Variants in PSPC1 observed in about 807,000 individuals in gnomAD.
PSPC1 encodes the protein paraspeckle component 1.
A neutral mutation model predicts 51.6 loss-of-function variants in PSPC1; 14 were observed. That is an observed-to-expected ratio of 0.27 (90% CI 0.18 to 0.42). The LOEUF is 0.42. PSPC1 is among the 10% of genes least tolerant of loss of function. PSPC1 has a pLI of 1.00. For synonymous variants in PSPC1, 193 were observed against 231.9 expected (o/e 0.83, Z 1.53); for missense variants, 406 against 701.1 (o/e 0.58, Z 4.75).
intron 5 of PSPC1, among the ~76,000 whole-genome samples, chr13:19,737,802 G>A (rs1231376398): frequency 6.6e-6 from 1 of 152,146 alleles, no homozygotes; most frequent in Admixed American, 6.6e-5. Context: ...TACAGCATAT[G>A]GGGCAGGCAT....
chr13:19,733,639 T>C (rs2137960261), intron 5 of PSPC1, among the ~76,000 whole-genome samples: 1 of 152,076 alleles, frequency 6.6e-6, no homozygotes, highest in South Asian at 2.1e-4. Flanking sequence ...GGCGCACACC[T>C]GTAATCCCAG....
chr13:19,757,129 CAAAA>C (rs56303316), intron 3 of PSPC1, among the ~76,000 whole-genome samples: 4 of 110,034 alleles, frequency 3.6e-5, no homozygotes, highest in Admixed American at 9.2e-5. Flanking sequence ...GACTCCGTCT[CAAAA>C]AAAAAAAAAA....
At chr13:19,769,508 G>A (rs1478213232) in intron 2 of PSPC1, among the ~76,000 whole-genome samples, 1 of 152,128 alleles carries the variant, frequency 6.6e-6, no homozygotes, top group Non-Finnish European at 1.5e-5. Flanking sequence ...AGCTGAGATC[G>A]CGCCACTGCA....
chr13:19,673,580 T>TG (rs1294016522), downstream of PSPC1: 3 of 164,890 alleles, frequency 1.8e-5, no homozygotes, highest in Non-Finnish European at 3.9e-5. Context: ...CATAGCTTTC[T>TG]GGGGGAAAAG....
chr13:19,739,472 G>T (rs1200405216), intron 5 of PSPC1, among the ~76,000 whole-genome samples: 1 of 152,190 alleles, frequency 6.6e-6, no homozygotes, highest in Non-Finnish European at 1.5e-5. Flanking sequence ...ATCTGGCCGG[G>T]CGTGGTGGCT....
rs565910132 is a variant in PSPC1 at position 19,729,093 on chromosome 13, G to C, written c.1158+1146C>G. On this transcript the variant is annotated intron_variant, in intron 6 of 8. Coordinates refer to ENST00000338910, the MANE Select transcript of PSPC1 (RefSeq NM_001354909.2). Reference sequence around the variant, plus strand: ...AAAACCAGGCAGTAGTCCCAGGCTAGAGCTTGCCAACTTACACTCTAGCCA... The same window carrying C: ...AAAACCAGGCAGTAGTCCCAGGCTACAGCTTGCCAACTTACACTCTAGCCA... 4.5e-3 allele frequency among the ~76,000 whole-genome samples: 685 copies of C among 152,180 alleles called. 6 individuals carry two copies. The highest frequency in any genetic ancestry group is 0.015 in the African/African-American group (637 of 41,542).
intron 4 of PSPC1, among the ~76,000 whole-genome samples, chr13:19,749,780 C>T (rs1231607546): frequency 6.6e-6 from 1 of 151,746 alleles, no homozygotes; most frequent in Non-Finnish European, 1.5e-5. Flanking sequence ...TACAGGCGCC[C>T]GCCACCACAT....
intron 6 of PSPC1, among the ~76,000 whole-genome samples, chr13:19,715,046 C>T (rs948432775): frequency 2.2e-4 from 34 of 152,248 alleles, no homozygotes; most frequent in Middle Eastern, 3.4e-3. Context: ...ATTCTTCCCA[C>T]TACACTAAAG....
At position 19,689,793 on chromosome 13, in the gene PSPC1, A is replaced by T. The variant is rs530932500; in HGVS notation, c.1159-11970T>A. ...CTACCATATAACTAAGAAAAATGTTAATCTGGTCTATTCTTAGAAAACATT... is the reference window on the plus strand; with the variant it reads ...CTACCATATAACTAAGAAAAATGTTTATCTGGTCTATTCTTAGAAAACATT... On this transcript the variant is annotated intron_variant and NMD_transcript_variant, in intron 6 of 7. Transcript: ENST00000471658. 2.6e-5 allele frequency among the ~76,000 whole-genome samples: 4 copies of T among 152,368 alleles called. No individual in the cohort carries two copies. The South Asian group carries it at 6.2e-4, about 24-fold the overall frequency.
chr13:19,768,183 C>G (rs1273683200), intron 2 of PSPC1, among the ~76,000 whole-genome samples: 1 of 151,850 alleles, frequency 6.6e-6, no homozygotes, highest in Non-Finnish European at 1.5e-5. Context: ...CGAGATCACT[C>G]CACTGCACTT....
rs1297334550 is a variant in PSPC1 at position 19,730,173 on chromosome 13, C to G, written c.1158+66G>C. 3 of 1,342,014 alleles carry G rather than the reference C, an allele frequency of 2.2e-6. No individual in the cohort carries two copies. In the African/African-American group the frequency reaches 4.4e-5, roughly 19 times the overall value. The allele number at this position is 1,342,014 out of a possible 1,614,324, so 83.1% of individuals were successfully genotyped here. ...CTACTGTATAAACCAAAATCTAAAG[C>G]ATTCTAAATATGCATCATAAACCTG... On this transcript the variant is annotated intron_variant, in intron 6 of 8. Transcript: ENST00000338910.
chr13:19,728,439 A>AACACACACACACACACACAC (rs56662113), intron 6 of PSPC1, among the ~76,000 whole-genome samples: 16 of 144,342 alleles, frequency 1.1e-4, no homozygotes, highest in Non-Finnish European at 1.6e-4. Context: ...TCAAAGCTTA[A>AACACACACACACACACACAC]ACACACACAC....
chr13:19,690,962 C>T (rs369125985), intron 6 of PSPC1, among the ~76,000 whole-genome samples: 35 of 152,236 alleles, frequency 2.3e-4, no homozygotes, highest in African/African-American at 8.2e-4. Flanking sequence ...TTTTCTTTTG[C>T]CACTTACTAG....
At chr13:19,747,249 AAAG>A (rs1452875411) in intron 4 of PSPC1, among the ~76,000 whole-genome samples, 1 of 152,214 alleles carries the variant, frequency 6.6e-6, no homozygotes, top group Non-Finnish European at 1.5e-5. Flanking sequence ...TACCCATATA[AAAG>A]AATATCATAC....
intron 6 of PSPC1, among the ~76,000 whole-genome samples, chr13:19,681,751 TATACCGAG>T (rs1245722931): frequency 6.6e-6 from 1 of 152,170 alleles, no homozygotes; most frequent in Non-Finnish European, 1.5e-5. Context: ...AGAGAAATCT[TATACCGAG>T]GAGTGTTTAC....
At chr13:19,680,633 TAAAAG>T (rs1006189983) in intron 6 of PSPC1, among the ~76,000 whole-genome samples, 3 of 152,082 alleles carry the variant, frequency 2.0e-5, no homozygotes, top group African/African-American at 7.2e-5. Context: ...ATAATCAAAT[TAAAAG>T]AAAAGGTCTC....
intron 2 of PSPC1, among the ~76,000 whole-genome samples, chr13:19,770,436 G>A (rs1888518487): frequency 6.6e-6 from 1 of 152,082 alleles, no homozygotes; most frequent in African/African-American, 2.4e-5. Flanking sequence ...CAGGCAGGTG[G>A]ATTACTTGAG....
At chr13:19,777,576 A>G (rs1285909017) in intron 1 of PSPC1, among the ~76,000 whole-genome samples, 3 of 152,184 alleles carry the variant, frequency 2.0e-5, no homozygotes, top group Non-Finnish European at 4.4e-5. Context: ...GGAAATTTCC[A>G]TATTTCATTA....
chr13:19,734,471 A>C (rs924515208), intron 5 of PSPC1, among the ~76,000 whole-genome samples: 1 of 152,110 alleles, frequency 6.6e-6, no homozygotes, highest in Non-Finnish European at 1.5e-5. Flanking sequence ...CCCAAGACAG[A>C]AGAAGGGCTT....
Sources: gnomAD v4.1 joint callset for allele counts (sites outside exome capture counted in the v4.1 genomes callset) on GRCh38, gnomAD v4.1.1 for gene constraint, MANE v1.5 for transcripts, NCBI Gene and HGNC (gene_info 2026-07-23, HGNC 2026-07-21) for gene names.